RANBP2: variants seen among roughly 807,000 people sequenced by gnomAD.
RANBP2 encodes E3 SUMO-protein ligase RanBP2.
In RANBP2, 57 loss-of-function variants were observed where a neutral mutation model predicts 303.6. The ratio of observed to expected loss-of-function variants is 0.19; its 90% CI spans 0.15 to 0.23. The LOEUF (loss-of-function observed/expected upper bound fraction) is 0.23, where lower values mean the gene tolerates loss of function less well. Among genes scored for constraint, RANBP2 ranks in the 10% least tolerant of loss-of-function variants. The pLI, the probability that RANBP2 is intolerant of heterozygous loss-of-function variation, is 1.00. For synonymous variants in RANBP2, 1,167 were observed against 1,301.5 expected, an observed-to-expected ratio of 0.90 and a Z score of 2.23; for missense variants, 3,138 against 3,780.8, an observed-to-expected ratio of 0.83 and a Z score of 4.46.
At chr2:109,575,319 T>C in the RANBP2 span, among the ~76,000 whole-genome samples, 2 of 152,174 alleles carry the variant, frequency 1.3e-5, no homozygotes, top group African/African-American at 4.8e-5. Context: ...GACATTTAAG[T>C]CAAAGTCCAT....
chr2:108,906,212 C>G, the RANBP2 span: 1 of 1,325,658 alleles, frequency 7.5e-7, no homozygotes. Flanking sequence ...GGGCGGCTTC[C>G]CTCAGTTCCC....
At chr2:108,922,824 C>T in the RANBP2 span, among the ~76,000 whole-genome samples, 1 of 152,098 alleles carries the variant, frequency 6.6e-6, no homozygotes, top group South Asian at 2.1e-4. Flanking sequence ...CCTGGCCCTT[C>T]GTCATAAACA....
At chr2:108,936,973 G>A in the RANBP2 span, among the ~76,000 whole-genome samples, 32 of 152,290 alleles carry the variant, frequency 2.1e-4, no homozygotes, top group Admixed American at 2.0e-3. Context: ...TAAATAGCCG[G>A]TCCTGTTCCC....
chr2:108,783,497 C>T, intron 28 of RANBP2, 99 bp from the exon 29 acceptor site: 1 of 818,092 alleles, frequency 1.2e-6, no homozygotes, highest in South Asian at 1.8e-5. Context: ...TAGGATTTAA[C>T]ATGTAGTGAT....
At chr2:109,318,134 A>G in the RANBP2 span, among the ~76,000 whole-genome samples, 1 of 151,864 alleles carries the variant, frequency 6.6e-6, no homozygotes, top group Non-Finnish European at 1.5e-5. Context: ...CAGAAAAACC[A>G]TTCTAGGGAC....
chr2:109,383,475 C>G, the RANBP2 span, among the ~76,000 whole-genome samples: 1 of 152,202 alleles, frequency 6.6e-6, no homozygotes, highest in East Asian at 1.9e-4. Flanking sequence ...AATCATTCTT[C>G]TCTTGTCTTC....
the RANBP2 span, among the ~76,000 whole-genome samples, chr2:108,852,550 A>G: frequency 6.4e-4 from 98 of 152,374 alleles, 1 homozygote; most frequent in African/African-American, 2.2e-3. Context: ...GTACATATAC[A>G]CTATGGAATA....
the RANBP2 span, among the ~76,000 whole-genome samples, chr2:109,217,739 C>T: frequency 1.1e-4 from 17 of 152,170 alleles, 1 homozygote; most frequent in Non-Finnish European, 2.2e-4. Context: ...CACCAAATAA[C>T]TATGGCCACT....
At chr2:108,832,529 T>C in the RANBP2 span, among the ~76,000 whole-genome samples, 1 of 152,058 alleles carries the variant, frequency 6.6e-6, no homozygotes, top group Non-Finnish European at 1.5e-5. Flanking sequence ...GTATTTTTAG[T>C]AGAGACGGGG....
At chr2:109,228,206 C>T in the RANBP2 span, among the ~76,000 whole-genome samples, 172 of 152,254 alleles carry the variant, frequency 1.1e-3, no homozygotes, top group African/African-American at 4.1e-3. Flanking sequence ...GAAATTCAAT[C>T]GGCAGCCCTC....
the RANBP2 span, among the ~76,000 whole-genome samples, chr2:109,722,320 A>C: frequency 1.3e-5 from 2 of 152,200 alleles, no homozygotes; most frequent in African/African-American, 2.4e-5. Context: ...CCAGACACGG[A>C]AAGAGGCAGA....
At position 108,764,439 on chromosome 2, in the gene RANBP2, A is replaced by G; in HGVS notation, c.3900A>G (p.Glu1300=). ...CACTTTTTAAATGCAAGTTTGAAGA[A>G]GCCCAGAGCATTTTAAAAGCCCCAG... The part of the protein sequence containing the change: ...EAALFKCKFE[E]AQSILKAPGT... Residue 1300 remains glutamate (E), a synonymous_variant, in exon 20 of 29, where the codon GAA becomes GAG. Coordinates refer to ENST00000283195, the MANE Select transcript of RANBP2 (RefSeq NM_006267.5). 1 of 1,614,058 alleles carries G rather than the reference A, an allele frequency of 6.2e-7. No individual in the cohort carries two copies. The highest frequency in any genetic ancestry group is 8.5e-7 in the Non-Finnish European group (1 of 1,179,982).
chr2:108,921,354 C>G, the RANBP2 span, among the ~76,000 whole-genome samples: 1 of 152,160 alleles, frequency 6.6e-6, no homozygotes, highest in Non-Finnish European at 1.5e-5. Flanking sequence ...GCCAGGGGCC[C>G]TTGGCAAGTC....
chr2:108,844,019 A>G, the RANBP2 span, among the ~76,000 whole-genome samples: 1 of 140,498 alleles, frequency 7.1e-6, no homozygotes, highest in Non-Finnish European at 1.5e-5. Context: ...GTACTACCTT[A>G]CCTGGTTAAT....
At chr2:109,212,059 G>C in the RANBP2 span, among the ~76,000 whole-genome samples, 1 of 152,238 alleles carries the variant, frequency 6.6e-6, no homozygotes, top group African/African-American at 2.4e-5. Flanking sequence ...CGGAATTCCA[G>C]GGAGATAGCG....
At chr2:109,400,694 CTG>C in the RANBP2 span, among the ~76,000 whole-genome samples, 1 of 129,418 alleles carries the variant, frequency 7.7e-6, no homozygotes, top group Non-Finnish European at 1.7e-5. Flanking sequence ...GGATACACAC[CTG>C]CACGCATATG....
Position 108,768,355 on chromosome 2 carries a change from T to A in RANBP2, c.7816T>A (p.Ser2606Thr). ...TGCTTCCTTTCCAACGGAAGAATCT[T>A]CAATCAACTACACATTTAAAACACC... ...LFASFPTEES[S>T]INYTFKTPEK... Residue 2606 changes from serine to threonine, a missense_variant, in exon 20 of 29, where the codon TCA becomes ACA. Physicochemically the swap from Ser to Thr is moderately conservative, Grantham distance 58. Transcript: ENST00000283195. 6.2e-7 allele frequency: 1 copy of A among 1,611,890 alleles called. No homozygotes were observed. The highest frequency in any genetic ancestry group is 8.5e-7 in the Non-Finnish European group (1 of 1,179,858).
At chr2:109,469,476 A>C in the RANBP2 span, among the ~76,000 whole-genome samples, 1 of 152,342 alleles carries the variant, frequency 6.6e-6, no homozygotes, top group African/African-American at 2.4e-5. Flanking sequence ...TGCAGGGGTC[A>C]CACTATGTGT....
chr2:108,991,207 G>T, the RANBP2 span, among the ~76,000 whole-genome samples: 1 of 152,158 alleles, frequency 6.6e-6, no homozygotes, highest in African/African-American at 2.4e-5. Context: ...CTTGAAGTCT[G>T]CCTAGTCATC....
Sources: gnomAD v4.1 joint callset for allele counts (sites outside exome capture counted in the v4.1 genomes callset) on GRCh38, gnomAD v4.1.1 for gene constraint, MANE v1.5 for transcripts, NCBI Gene and HGNC (gene_info 2026-07-23, HGNC 2026-07-21) for gene names.